PNLIP: variants seen among roughly 807,000 people sequenced by gnomAD.
PNLIP encodes the protein pancreatic lipase.
In PNLIP, 49 loss-of-function variants were observed where a neutral mutation model predicts 57.1. That is an observed-to-expected ratio of 0.86 (90% CI 0.68 to 1.09). The LOEUF is 1.09. Ranked by LOEUF, PNLIP falls within the 50% of genes least tolerant of loss-of-function variation. The probability of loss-of-function intolerance (pLI) is 0.00; values close to 1 mark genes in which losing one functional copy is unlikely to be tolerated. For synonymous variants in PNLIP, 209 were observed against 200.4 expected (o/e 1.04, Z -0.36); for missense variants, 503 against 570.2 (o/e 0.88, Z 1.20).
chr10:116,559,387 A>G (rs1847290543), intron 10 of PNLIP, 104 bp downstream of exon 10: 2 of 819,578 alleles, frequency 2.4e-6, no homozygotes, highest in Admixed American at 5.3e-5. Flanking sequence ...AGCTTTAAAC[A>G]CCCCCTCTGC....
At chr10:116,562,368 T>G (rs1256084068) in intron 12 of PNLIP, among the ~76,000 whole-genome samples, 1 of 152,158 alleles carries the variant, frequency 6.6e-6, no homozygotes, top group Admixed American at 6.5e-5. Context: ...AAAACACAGT[T>G]TTCCAGACAC....
At chr10:116,554,901 G>A (rs1847236264) in intron 6 of PNLIP, among the ~76,000 whole-genome samples, 1 of 152,116 alleles carries the variant, frequency 6.6e-6, no homozygotes. Flanking sequence ...AACCCTGCGT[G>A]GTTTTTAGTC....
At position 116,562,783 on chromosome 10, in the gene PNLIP, G is replaced by A. The variant is rs765220393; in HGVS notation, c.1334+1147G>A. On this transcript the variant is annotated intron_variant, in intron 12 of 12. Coordinates refer to ENST00000369221, the MANE Select transcript of PNLIP (RefSeq NM_000936.4). ...GAATGGTGCTTGTTTCCACCAAGCA[G>A]TCTGGAAAAGTTTATAATTCAAAGG... 7.8e-4 allele frequency among the ~76,000 whole-genome samples: 118 copies of A among 152,190 alleles called. 1 individual carries two copies. Among genetic ancestry groups the A allele is most frequent in the Non-Finnish European group, 2.1e-4 (14 of 68,038 alleles).
chr10:116,561,074 C>T (rs948783224), intron 11 of PNLIP, among the ~76,000 whole-genome samples: 1 of 152,162 alleles, frequency 6.6e-6, no homozygotes, highest in Non-Finnish European at 1.5e-5. Flanking sequence ...TAAAACCATT[C>T]ATGTTTGCTT....
At chr10:116,566,187 A>G (rs1235004368) in intron 12 of PNLIP, among the ~76,000 whole-genome samples, 1 of 152,224 alleles carries the variant, frequency 6.6e-6, no homozygotes, top group Non-Finnish European at 1.5e-5. Context: ...TAAACAAACT[A>G]TGGTCTATGG....
At chr10:116,558,388 G>T (rs1055335937) in intron 9 of PNLIP, among the ~76,000 whole-genome samples, 1 of 151,332 alleles carries the variant, frequency 6.6e-6, no homozygotes, top group African/African-American at 2.4e-5. Context: ...TAGAGACGGG[G>T]TTTCACCATG....
chr10:116,552,779 G>A (rs1015205763), intron 5 of PNLIP, among the ~76,000 whole-genome samples: 5 of 151,972 alleles, frequency 3.3e-5, no homozygotes, highest in Non-Finnish European at 5.9e-5. Context: ...CCAGCTACTC[G>A]GGAGGCTGAG....
intron 5 of PNLIP, among the ~76,000 whole-genome samples, chr10:116,553,031 T>C (rs1474861435): frequency 1.3e-5 from 2 of 152,242 alleles, no homozygotes; most frequent in East Asian, 3.8e-4. Flanking sequence ...ACTTACTCCA[T>C]GACTTGCCCA....
At chr10:116,562,331 A>G (rs1271439890) in intron 12 of PNLIP, among the ~76,000 whole-genome samples, 1 of 152,224 alleles carries the variant, frequency 6.6e-6, no homozygotes, top group East Asian at 1.9e-4. Flanking sequence ...CCTGACTGAA[A>G]TAACCAAAAT....
chr10:116,566,481 G>GA (rs1416825307), intron 12 of PNLIP, among the ~76,000 whole-genome samples: 1 of 152,060 alleles, frequency 6.6e-6, no homozygotes, highest in Non-Finnish European at 1.5e-5. Context: ...TAATAACTTT[G>GA]ATGTTGGTGA....
intron 9 of PNLIP, among the ~76,000 whole-genome samples, chr10:116,556,684 T>C (rs1481221508): frequency 6.6e-6 from 1 of 152,142 alleles, no homozygotes; most frequent in African/African-American, 2.4e-5. Flanking sequence ...TCCTCTTGGT[T>C]GAATTCTTTA....
Position 116,549,520 on chromosome 10 carries a change from A to G in PNLIP, c.324+1038A>G, listed in dbSNP as rs535369342. On this transcript the variant is annotated intron_variant, in intron 4 of 12. Transcript: ENST00000369221. The stretch of plus-strand genomic sequence containing the variant: ...AAGACACAAAGGTCCTCCTAAGCCC[A>G]TACAGTTTCAGGTCTGCCTCTGGCT... Among the ~76,000 whole-genome samples, 315 of 152,100 alleles carry G rather than the reference A, an allele frequency of 2.1e-3. 1 individual carries two copies. The highest frequency in any genetic ancestry group is 7.3e-3 in the African/African-American group (304 of 41,522).
intron 4 of PNLIP, among the ~76,000 whole-genome samples, chr10:116,550,102 C>CG (rs1387859932): frequency 6.8e-6 from 1 of 146,882 alleles, no homozygotes; most frequent in African/African-American, 2.5e-5. Context: ...TCTGTCCCCC[C>CG]GGCTAGAGTG....
chr10:116,547,864 C>T (rs769926529), intron 3 of PNLIP, among the ~76,000 whole-genome samples: 19 of 151,664 alleles, frequency 1.3e-4, no homozygotes, highest in African/African-American at 1.9e-4. Flanking sequence ...GGGCACTGAG[C>T]TTAGGTATTA....
At chr10:116,547,246 T>C (rs748806110) in intron 2 of PNLIP, 48 bp from the exon 3 acceptor site, 5 of 1,586,950 alleles carry the variant, frequency 3.2e-6, no homozygotes, top group Non-Finnish European at 3.5e-6. Context: ...AGACAGATCA[T>C]TAAAAAGAGC....
intron 12 of PNLIP, among the ~76,000 whole-genome samples, chr10:116,567,285 A>C (rs916134684): frequency 2.6e-5 from 4 of 150,996 alleles, no homozygotes; most frequent in Admixed American, 1.3e-4. Flanking sequence ...CACACAGGGA[A>C]AGAAGGCATA....
Position 116,555,178 on chromosome 10 carries a change from G to A in PNLIP, c.572G>A (p.Gly191Glu). 1 of 1,613,968 alleles carries A rather than the reference G, an allele frequency of 6.2e-7. No homozygotes were observed. The highest frequency in any genetic ancestry group is 8.5e-7 in the Non-Finnish European group (1 of 1,179,958). ...TCATGAAACATACTCTTTACTTTAG[G>A]GTTGGACCCAGCAGAACCTTGCTTT... ...RTNGTIGRITGLDPAEPCFQG... is the reference protein window; with the variant it reads ...RTNGTIGRITELDPAEPCFQG... Residue 191 changes from glycine (G) to glutamate (E), a missense_variant and splice_region_variant, in exon 7 of 13, where the codon GGG becomes GAG. Coordinates refer to ENST00000369221, the MANE Select transcript of PNLIP (RefSeq NM_000936.4).
chr10:116,566,782 T>C (rs1398087709), intron 12 of PNLIP, among the ~76,000 whole-genome samples: 1 of 152,200 alleles, frequency 6.6e-6, no homozygotes, highest in Non-Finnish European at 1.5e-5. Context: ...TGTCCCTGAT[T>C]GATAACAGTT....
intron 4 of PNLIP, 28 bp from the exon 5 acceptor site, chr10:116,551,070 T>G: frequency 6.5e-7 from 1 of 1,527,608 alleles, no homozygotes; most frequent in Non-Finnish European, 8.8e-7. Flanking sequence ...CTGAATTATT[T>G]ATCTGTTTAT....
Sources: allele counts gnomAD v4.1 joint callset (sites outside exome capture counted in the v4.1 genomes callset), GRCh38; gene constraint gnomAD v4.1.1; transcripts MANE v1.5; gene names NCBI Gene and HGNC (gene_info 2026-07-23, HGNC 2026-07-21).